TMTC2: variants seen among roughly 807,000 people sequenced by gnomAD.
TMTC2 encodes transmembrane O-mannosyltransferase targeting cadherins 2.
Under a neutral mutation model 82.4 loss-of-function variants are expected in TMTC2, and 43 were observed. The ratio of observed to expected loss-of-function variants is 0.52; its 90% CI spans 0.41 to 0.67. The LOEUF (loss-of-function observed/expected upper bound fraction) is 0.67, where lower values mean the gene tolerates loss of function less well. Among genes scored for constraint, TMTC2 ranks in the 30% least tolerant of loss-of-function variants. The probability of loss-of-function intolerance (pLI) is 0.00; values close to 1 mark genes in which losing one functional copy is unlikely to be tolerated. For synonymous variants in TMTC2, 408 were observed against 381.9 expected (o/e 1.07, Z -0.80); for missense variants, 919 against 1,012.4 (o/e 0.91, Z 1.25).
chr12:82,921,975 T>C (rs1252523862), intron 3 of TMTC2, among the ~76,000 whole-genome samples: 1 of 148,006 alleles, frequency 6.8e-6, no homozygotes, highest in Non-Finnish European at 1.5e-5. Flanking sequence ...GTCATGGTGG[T>C]GCACATTTGT....
intron 11 of TMTC2, among the ~76,000 whole-genome samples, chr12:83,129,906 G>A (rs1446417707): frequency 6.6e-6 from 1 of 152,154 alleles, no homozygotes; most frequent in African/African-American, 2.4e-5. Context: ...AACCTAGGCA[G>A]TCTGACTCCA....
intron 11 of TMTC2, among the ~76,000 whole-genome samples, chr12:83,089,882 C>A (rs191386074): frequency 6.6e-6 from 1 of 151,372 alleles, no homozygotes; most frequent in Non-Finnish European, 1.5e-5. Flanking sequence ...TCATTTTTGT[C>A]CTTCTTCACG....
intron 11 of TMTC2, among the ~76,000 whole-genome samples, chr12:83,062,678 G>A (rs1172491676): frequency 6.6e-6 from 1 of 151,742 alleles, no homozygotes; most frequent in Non-Finnish European, 1.5e-5. Context: ...CCTGCTTTGT[G>A]GTAGAATACA....
chr12:83,004,806 G>C (rs1279995092), intron 8 of TMTC2, among the ~76,000 whole-genome samples: 1 of 118,534 alleles, frequency 8.4e-6, no homozygotes, highest in African/African-American at 3.2e-5. Context: ...TTCCAATCCA[G>C]TAGATGGTGC....
At chr12:82,891,810 T>G (rs1873411816) in intron 2 of TMTC2, among the ~76,000 whole-genome samples, 1 of 152,206 alleles carries the variant, frequency 6.6e-6, no homozygotes, top group Non-Finnish European at 1.5e-5. Flanking sequence ...CACAACACTT[T>G]AGAAACTCTT....
intron 2 of TMTC2, among the ~76,000 whole-genome samples, chr12:82,878,027 G>A (rs746930479): frequency 1.3e-5 from 2 of 152,176 alleles, no homozygotes; most frequent in Admixed American, 6.5e-5. Flanking sequence ...TTTGAGCTAC[G>A]TATTAAGATT....
intron 1 of TMTC2, among the ~76,000 whole-genome samples, chr12:82,761,453 C>T (rs937323665): frequency 6.6e-6 from 1 of 152,084 alleles, no homozygotes; most frequent in South Asian, 2.1e-4. Flanking sequence ...CAATTCACAC[C>T]CGTGGCCATC....
At position 83,051,018 on chromosome 12, in the gene TMTC2, G is replaced by A; in HGVS notation, c.2267G>A (p.Arg756Lys). The A allele has an allele frequency of 6.2e-7, 1 of 1,601,294 alleles. No individual in the cohort carries two copies. The highest frequency in any genetic ancestry group is 8.5e-7 in the Non-Finnish European group (1 of 1,174,440). The change falls in exon 10 of 12, where the codon AGA (arginine) becomes AAA (lysine). Residue 756 changes from arginine to lysine, a missense_variant and splice_region_variant. Physicochemically the swap from Arg to Lys is conservative, Grantham distance 26. Coordinates refer to ENST00000321196, the MANE Select transcript of TMTC2 (RefSeq NM_152588.3). ...GTCTTCAATGCTGCCCACATGCTCA[G>A]GTTAGTTTTTTTGCTGCTGTGCCTC... Reference protein sequence around the residue: ...DVVFNAAHMLRQASLNEAAEK... With the variant: ...DVVFNAAHMLKQASLNEAAEK...
chr12:82,934,780 C>A (rs1298728209), intron 4 of TMTC2, among the ~76,000 whole-genome samples: 2 of 152,030 alleles, frequency 1.3e-5, no homozygotes, highest in Non-Finnish European at 2.9e-5. Context: ...GGTTCTAGAT[C>A]CTTGAGGAAT....
intron 1 of TMTC2, among the ~76,000 whole-genome samples, chr12:82,692,606 A>G (rs1872625104): frequency 6.6e-6 from 1 of 152,206 alleles, no homozygotes; most frequent in Non-Finnish European, 1.5e-5. Flanking sequence ...ACTTTATTAT[A>G]CTCATCTGAA....
chr12:83,015,435 C>A (rs1178883912), intron 8 of TMTC2, among the ~76,000 whole-genome samples: 1 of 152,200 alleles, frequency 6.6e-6, no homozygotes, highest in Non-Finnish European at 1.5e-5. Flanking sequence ...CCTGCCAAAT[C>A]AGGTGACAAT....
chr12:82,857,661 TTTA>T lies in TMTC2; in HGVS notation c.654+84_654+86del, dbSNP rs1871330649. On this transcript the variant is annotated intron_variant, in intron 2 of 11. Coordinates refer to ENST00000321196, the MANE Select transcript of TMTC2 (RefSeq NM_152588.3). ...CCTTTGCCACCATTTAAAAAGCAAA[TTTA>T]TTCCTCTGCAAGCGGAATTTAAAAT... 6.3e-5 allele frequency: 83 copies of T among 1,312,844 alleles called. No homozygotes were observed. In the South Asian group the frequency reaches 1.1e-3, roughly 17 times the overall value. 81.3% of individuals were successfully genotyped at this position (1,312,844 alleles called of 1,614,324 possible). A position where few individuals can be genotyped will look rare whatever the true frequency, so the allele number is the denominator to read the frequency against.
At chr12:82,977,568 T>A (rs1878729380) in intron 7 of TMTC2, among the ~76,000 whole-genome samples, 1 of 151,880 alleles carries the variant, frequency 6.6e-6, no homozygotes, top group Admixed American at 6.6e-5. Context: ...ACTTGTCTCA[T>A]ACCACATAGC....
chr12:82,742,481 C>T (rs1875462817), intron 1 of TMTC2, among the ~76,000 whole-genome samples: 1 of 151,530 alleles, frequency 6.6e-6, no homozygotes, highest in Non-Finnish European at 1.5e-5. Flanking sequence ...TTAGTAGTTG[C>T]TGTCTAAACG....
chr12:82,926,046 A>G (rs1875695575), intron 3 of TMTC2, among the ~76,000 whole-genome samples: 1 of 147,932 alleles, frequency 6.8e-6, no homozygotes. Context: ...CAGTGGTGCG[A>G]TCTCGGCTCA....
chr12:82,843,232 G>C (rs1287365613), intron 1 of TMTC2, among the ~76,000 whole-genome samples: 1 of 151,960 alleles, frequency 6.6e-6, no homozygotes, highest in African/African-American at 2.4e-5. Flanking sequence ...GATTACAGGT[G>C]CCCGCCACCA....
At chr12:82,864,241 T>C (rs946286699) in intron 2 of TMTC2, among the ~76,000 whole-genome samples, 12 of 152,072 alleles carry the variant, frequency 7.9e-5, no homozygotes, top group African/African-American at 2.7e-4. Context: ...CTGTGCTATA[T>C]TGTGGCTCCC....
chr12:82,710,472 G>A (rs1324339736), intron 1 of TMTC2, among the ~76,000 whole-genome samples: 1 of 152,160 alleles, frequency 6.6e-6, no homozygotes, highest in African/African-American at 2.4e-5. Context: ...ACAGGCATAG[G>A]GTGCTGTCTT....
In TMTC2 at chr12:82,909,175, C is replaced by T. The variant is rs569826275; in HGVS notation, c.1483+12529C>T. Among the ~76,000 whole-genome samples, 10 of 152,256 alleles carry T rather than the reference C, an allele frequency of 6.6e-5. No individual in the cohort carries two copies. The South Asian group carries it at 2.1e-3, about 32-fold the overall frequency. ...CTAGTTAAGTGATGAAGTCTGTTTC[C>T]TTTCAGGCAGATCACAGTTTATGTG... On this transcript the variant is annotated intron_variant, in intron 3 of 11. Coordinates refer to ENST00000321196, the MANE Select transcript of TMTC2 (RefSeq NM_152588.3).
Sources: gnomAD v4.1 joint callset for allele counts (sites outside exome capture counted in the v4.1 genomes callset) on GRCh38, gnomAD v4.1.1 for gene constraint, MANE v1.5 for transcripts, NCBI Gene and HGNC (gene_info 2026-07-23, HGNC 2026-07-21) for gene names.